Variants in SYT14 observed in about 807,000 individuals in gnomAD.
SYT14 encodes synaptotagmin-14.
SYT14 carries 32 observed loss-of-function variants against 74.2 expected under a neutral mutation model. The observed-to-expected ratio is 0.43, with a 90% CI of 0.33 to 0.58. The LOEUF is 0.58. Ranked by LOEUF, SYT14 falls within the 20% of genes least tolerant of loss-of-function variation. The pLI is 0.05. For synonymous variants in SYT14, 298 were observed against 337.7 expected (o/e 0.88, Z 1.29); for missense variants, 791 against 981.8 (o/e 0.81, Z 2.60).
intron 8 of SYT14, 148 bp from the exon 8 acceptor site, chr1:210,159,273 C>T: frequency 2.5e-6 from 2 of 791,828 alleles, no homozygotes; most frequent in Non-Finnish European, 2.2e-6. Context: ...TTGTTCAATC[C>T]TCTATCTGAA....
chr1:209,963,557 C>T (rs72649925), intron 2 of SYT14, among the ~76,000 whole-genome samples: 7,613 of 152,132 alleles, frequency 0.05, 1,031 homozygotes, highest in East Asian at 0.41. Context: ...ATCTTTTGAT[C>T]AATAAAATTA....
chr1:209,996,754 AAG>A (rs2079805892), intron 2 of SYT14, among the ~76,000 whole-genome samples: 1 of 152,162 alleles, frequency 6.6e-6, no homozygotes, highest in African/African-American at 2.4e-5. Context: ...GCATATCAAA[AAG>A]TTAATTTACG....
chr1:209,956,173 G>A (rs942911015), intron 2 of SYT14, among the ~76,000 whole-genome samples: 2 of 151,650 alleles, frequency 1.3e-5, no homozygotes, highest in African/African-American at 2.4e-5. Flanking sequence ...TGAAGTATAC[G>A]TCTCCTATAT....
At chr1:210,096,998 A>C (rs1250422993) in intron 6 of SYT14, among the ~76,000 whole-genome samples, 1 of 152,238 alleles carries the variant, frequency 6.6e-6, no homozygotes, top group Admixed American at 6.5e-5. Context: ...GTATTTCAGA[A>C]GCTGCTAACT....
intron 5 of SYT14, among the ~76,000 whole-genome samples, chr1:210,057,779 A>C (rs1048570794): frequency 1.3e-5 from 2 of 152,202 alleles, no homozygotes; most frequent in East Asian, 3.9e-4. Context: ...TGGCCACAAA[A>C]TGGAGTAATA....
rs116704275 is a variant in SYT14, at chr1:210,093,689, A to G, written c.1313-633A>G. ...TAGAGTGGGATAGAGTGCCCTTATA[A>G]TGGAGAAGAGACAGAACACAGCCTC... On this transcript the variant is annotated intron_variant, in intron 5 of 9. Transcript: ENST00000637265. 5.9e-3 allele frequency among the ~76,000 whole-genome samples: 892 copies of G among 152,284 alleles called. 8 individuals are homozygous for G. The highest frequency in any genetic ancestry group is 0.021 in the African/African-American group (855 of 41,534).
intron 1 of SYT14, among the ~76,000 whole-genome samples, chr1:209,942,779 C>G (rs112809503): frequency 0.014 from 2,080 of 152,206 alleles, 53 homozygotes; most frequent in African/African-American, 0.048. Context: ...TATCAGAAGA[C>G]TCTGCAAACT....
chr1:210,026,719 T>C (rs1048830181), intron 5 of SYT14, among the ~76,000 whole-genome samples: 1 of 151,960 alleles, frequency 6.6e-6, no homozygotes, highest in Non-Finnish European at 1.5e-5. Context: ...TATCTTAAAA[T>C]TAGGACTACC....
At chr1:210,063,857 C>A (rs998432657) in intron 5 of SYT14, among the ~76,000 whole-genome samples, 1 of 151,828 alleles carries the variant, frequency 6.6e-6, no homozygotes, top group African/African-American at 2.4e-5. Flanking sequence ...AGTACCCTCC[C>A]TCTAATCTTA....
At chr1:210,164,261 CA>C (rs2083431457) in exon 10 of SYT14, 1 of 240,958 alleles carries the variant, frequency 4.2e-6, no homozygotes, top group Admixed American at 5.0e-5. Flanking sequence ...TATTTGCTGA[CA>C]AGAATAATAA....
chr1:210,077,064 T>G (rs1346733569), intron 5 of SYT14, among the ~76,000 whole-genome samples: 2 of 152,202 alleles, frequency 1.3e-5, no homozygotes, highest in African/African-American at 2.4e-5. Context: ...AGGAAATACC[T>G]GAGACTGGGT....
rs73061735 is a variant in SYT14, at chr1:210,163,011, T to C, written c.*1969T>C. The C allele has an allele frequency of 5.0e-3, 2,249 of 453,482 alleles. 53 individuals carry two copies. The highest frequency in any genetic ancestry group is 0.041 in the African/African-American group (2,043 of 50,086). The allele number at this position is 453,482 out of a possible 1,614,324, so 28.1% of individuals were successfully genotyped here. A position where few individuals can be genotyped will look rare whatever the true frequency, so the allele number is the denominator to read the frequency against. On this transcript the variant is annotated 3_prime_UTR_variant, in exon 10 of 10. Transcript: ENST00000637265. ...CATTTAAGTGTTTTCAGCAACAGTA[T>C]GAAAAAAGACTTGAAGAGGGGATGT...
intron 2 of SYT14, among the ~76,000 whole-genome samples, chr1:209,964,376 A>G (rs912973697): frequency 2.0e-4 from 30 of 152,138 alleles, no homozygotes; most frequent in African/African-American, 5.1e-4. Flanking sequence ...CAGTGTGAAA[A>G]TGGATTAATA....
chr1:210,111,263 G>GT (rs2082257063), intron 7 of SYT14, among the ~76,000 whole-genome samples: 1 of 152,060 alleles, frequency 6.6e-6, no homozygotes, highest in Non-Finnish European at 1.5e-5. Context: ...GTCAAAGGGG[G>GT]TTGTTCTCTG....
chr1:210,078,917 T>G (rs2081565856), intron 5 of SYT14, among the ~76,000 whole-genome samples: 1 of 151,946 alleles, frequency 6.6e-6, no homozygotes, highest in African/African-American at 2.4e-5. Context: ...CCTGGCTATT[T>G]TTTTTTTTCA....
At chr1:209,957,855 A>G (rs545450875) in intron 2 of SYT14, among the ~76,000 whole-genome samples, 10 of 152,212 alleles carry the variant, frequency 6.6e-5, no homozygotes, top group Admixed American at 5.2e-4. Flanking sequence ...AGAAATGTCT[A>G]TGGTATGTTC....
intron 5 of SYT14, among the ~76,000 whole-genome samples, chr1:210,093,723 G>A (rs1175648686): frequency 6.6e-6 from 1 of 152,098 alleles, no homozygotes; most frequent in African/African-American, 2.4e-5. Flanking sequence ...TCCAGTCTTT[G>A]CAGATTGATG....
At chr1:210,014,486 G>A (rs543896085) in intron 3 of SYT14, among the ~76,000 whole-genome samples, 41 of 150,630 alleles carry the variant, frequency 2.7e-4, no homozygotes, top group African/African-American at 9.7e-4. Context: ...TTATAAAAAT[G>A]ATAGCAGAAA....
At chr1:210,054,498 C>T (rs1027805444) in intron 5 of SYT14, among the ~76,000 whole-genome samples, 1 of 151,954 alleles carries the variant, frequency 6.6e-6, no homozygotes, top group Admixed American at 6.5e-5. Flanking sequence ...TCTTATATTA[C>T]ATTTTCTTTT....
Sources: gnomAD v4.1 joint callset for allele counts (sites outside exome capture counted in the v4.1 genomes callset) on GRCh38, gnomAD v4.1.1 for gene constraint, MANE v1.5 for transcripts, NCBI Gene and HGNC (gene_info 2026-07-23, HGNC 2026-07-21) for gene names.